Variants in ADCY2 observed in about 807,000 individuals in gnomAD.
ADCY2 encodes adenylate cyclase type 2.
Under a neutral mutation model 125.2 loss-of-function variants are expected in ADCY2, and 31 were observed. The ratio of observed to expected loss-of-function variants is 0.25; its 90% CI spans 0.19 to 0.33. The LOEUF (loss-of-function observed/expected upper bound fraction) is 0.33. Among genes scored for constraint, ADCY2 ranks in the 10% least tolerant of loss-of-function variants. ADCY2 has a pLI of 1.00. For missense variants in ADCY2, 904 were observed against 1,418.2 expected (o/e 0.64, Z 5.82); for synonymous variants, 512 against 548.4 (o/e 0.93, Z 0.93).
intron 3 of ADCY2, among the ~76,000 whole-genome samples, chr5:7,614,364 G>A (rs1017638885): frequency 2.6e-5 from 4 of 152,050 alleles, no homozygotes; most frequent in African/African-American, 7.3e-5. Context: ...CCCAAAACCA[G>A]CTTCTTGGTT....
At chr5:7,656,548 CT>C (rs2126687712) in intron 4 of ADCY2, among the ~76,000 whole-genome samples, 1 of 152,246 alleles carries the variant, frequency 6.6e-6, no homozygotes, top group African/African-American at 2.4e-5. Context: ...GCTATAAATA[CT>C]TTTTAGTCTC....
In ADCY2 at chr5:7,700,719, C is replaced by CCACACACA. The variant is rs56197160; in HGVS notation, c.1109+2376_1109+2383dup. Among the ~76,000 whole-genome samples, 331 of 98,328 alleles carry CCACACACA rather than the reference C, an allele frequency of 3.4e-3. 1 individual carries two copies. The highest frequency in any genetic ancestry group is 5.2e-3 in the Admixed American group (41 of 7,868). 64.5% of individuals were successfully genotyped at this position (98,328 alleles called of 152,430 possible). A position where few individuals can be genotyped will look rare whatever the true frequency, so the allele number is the denominator to read the frequency against. On this transcript the variant is annotated intron_variant, in intron 7 of 24. Coordinates refer to ENST00000338316, the MANE Select transcript of ADCY2 (RefSeq NM_020546.3). ...CCCACCCCCCACCCCCTCGCACCCA[C>CCACACACA]CACACACACACACACACACACACAC... is the stretch of plus-strand genomic sequence containing the variant.
intron 3 of ADCY2, among the ~76,000 whole-genome samples, chr5:7,552,969 C>T (rs1735385568): frequency 6.6e-6 from 1 of 152,182 alleles, no homozygotes; most frequent in African/African-American, 2.4e-5. Context: ...GGGCTTTAAA[C>T]TGGCCACTCA....
chr5:7,418,123 G>C (rs1282308199), intron 2 of ADCY2, among the ~76,000 whole-genome samples: 1 of 152,074 alleles, frequency 6.6e-6, no homozygotes, highest in Non-Finnish European at 1.5e-5. Flanking sequence ...TGTTGAATTT[G>C]TTGGCCAAAT....
At chr5:7,515,438 C>T (rs983485356) in intron 2 of ADCY2, among the ~76,000 whole-genome samples, 1 of 152,188 alleles carries the variant, frequency 6.6e-6, no homozygotes, top group Non-Finnish European at 1.5e-5. Flanking sequence ...GCCAGCTTCT[C>T]TGGGCTGAGA....
At chr5:7,487,176 A>G (rs1311784459) in intron 2 of ADCY2, among the ~76,000 whole-genome samples, 3 of 152,228 alleles carry the variant, frequency 2.0e-5, no homozygotes, top group African/African-American at 4.8e-5. Flanking sequence ...CTGTCCACCC[A>G]TGCTGGATCT....
At chr5:7,521,356 C>A (rs936989119) in intron 3 of ADCY2, among the ~76,000 whole-genome samples, 4 of 151,458 alleles carry the variant, frequency 2.6e-5, no homozygotes, top group Admixed American at 2.0e-4. Context: ...GGTCTATGAG[C>A]ATTAAAAAAA....
intron 2 of ADCY2, among the ~76,000 whole-genome samples, chr5:7,516,692 A>G (rs1283368944): frequency 6.6e-6 from 1 of 152,232 alleles, no homozygotes; most frequent in African/African-American, 2.4e-5. Flanking sequence ...AGTTATTTGT[A>G]AAGAGTCCTG....
intron 3 of ADCY2, 66 bp from the exon 4 acceptor site, chr5:7,626,101 T>C: frequency 6.5e-7 from 1 of 1,533,960 alleles, no homozygotes. Context: ...AATGTGCACT[T>C]TGTTTTGATT....
intron 9 of ADCY2, chr5:7,708,102 G>A (rs1219032896): frequency 1.5e-5 from 5 of 326,796 alleles, no homozygotes; most frequent in South Asian, 6.2e-5. Context: ...TGTGTTAGTC[G>A]GTGTATTCCT....
intron 4 of ADCY2, among the ~76,000 whole-genome samples, chr5:7,642,999 A>G (rs1047105258): frequency 2.0e-5 from 3 of 151,560 alleles, no homozygotes; most frequent in African/African-American, 7.3e-5. Context: ...AACAAAAAAC[A>G]CTCTTCAGTA....
intron 2 of ADCY2, among the ~76,000 whole-genome samples, chr5:7,493,328 A>G (rs1743232262): frequency 1.3e-5 from 2 of 152,118 alleles, no homozygotes; most frequent in Non-Finnish European, 2.9e-5. Flanking sequence ...TCTTCTATGA[A>G]TGGAGTGGCA....
intron 15 of ADCY2, among the ~76,000 whole-genome samples, chr5:7,746,783 A>C (rs1361649398): frequency 3.3e-5 from 5 of 152,224 alleles, no homozygotes; most frequent in South Asian, 4.2e-4. Flanking sequence ...TCTCCGTATG[A>C]AGAAATAACA....
At chr5:7,672,035 A>G (rs559494208) in intron 4 of ADCY2, among the ~76,000 whole-genome samples, 1 of 152,256 alleles carries the variant, frequency 6.6e-6, no homozygotes, top group East Asian at 1.9e-4. Flanking sequence ...CTCAGTAGCA[A>G]GCAGTCACCT....
chr5:7,487,756 C>T (rs1389976750), intron 2 of ADCY2, among the ~76,000 whole-genome samples: 2 of 152,140 alleles, frequency 1.3e-5, no homozygotes, highest in Admixed American at 6.5e-5. Context: ...AAGATTATTC[C>T]ACTTTTGATG....
chr5:7,567,759 C>T (rs1473124105), intron 3 of ADCY2, among the ~76,000 whole-genome samples: 1 of 152,084 alleles, frequency 6.6e-6, no homozygotes, highest in African/African-American at 2.4e-5. Context: ...TATATAATTG[C>T]CTCATTTCCG....
At chr5:7,659,818 C>T (rs182623714) in intron 4 of ADCY2, among the ~76,000 whole-genome samples, 148 of 152,310 alleles carry the variant, frequency 9.7e-4, no homozygotes, top group African/African-American at 3.4e-3. Flanking sequence ...AGGTGCTCGG[C>T]GAGAGCCTCC....
chr5:7,649,847 C>G (rs1046996048), intron 4 of ADCY2, among the ~76,000 whole-genome samples: 1 of 152,108 alleles, frequency 6.6e-6, no homozygotes, highest in African/African-American at 2.4e-5. Context: ...CCTCTTTACC[C>G]CTCTAGGTAA....
At chr5:7,510,498 T>C (rs4498234) in intron 2 of ADCY2, among the ~76,000 whole-genome samples, 148,046 of 152,256 alleles carry the variant, frequency 0.97, 72,120 homozygotes, top group East Asian at 1. Flanking sequence ...CAATTTAGGG[T>C]GGGGTCCAAG....
Sources: allele counts gnomAD v4.1 joint callset (sites outside exome capture counted in the v4.1 genomes callset), GRCh38; gene constraint gnomAD v4.1.1; transcripts MANE v1.5; gene names NCBI Gene and HGNC (gene_info 2026-07-23, HGNC 2026-07-21).